Variants in ELMO1 observed in about 807,000 individuals in gnomAD.
ELMO1 encodes engulfment and cell motility protein 1.
A neutral mutation model predicts 98.9 loss-of-function variants in ELMO1; 26 were observed. The observed-to-expected ratio is 0.26, with a 90% CI of 0.19 to 0.36. ELMO1 has a LOEUF of 0.36. ELMO1 is among the 10% of genes least tolerant of loss of function. The pLI is 1.00. For synonymous variants in ELMO1, 346 were observed against 346.0 expected (o/e 1.00, Z 0.00); for missense variants, 627 against 935.2 (o/e 0.67, Z 4.30).
At chr7:37,376,360 T>G (rs1165140196) in intron 1 of ELMO1, among the ~76,000 whole-genome samples, 2 of 152,194 alleles carry the variant, frequency 1.3e-5, no homozygotes, top group Admixed American at 1.3e-4. Flanking sequence ...CATAGGTAAG[T>G]GATAACCAGC....
At chr7:37,406,105 G>A (rs1417320358) in intron 1 of ELMO1, among the ~76,000 whole-genome samples, 1 of 152,090 alleles carries the variant, frequency 6.6e-6, no homozygotes, top group African/African-American at 2.4e-5. Context: ...GCATCTTAGG[G>A]TTCATTCCAT....
chr7:37,425,319 C>A (rs896339546), intron 1 of ELMO1, among the ~76,000 whole-genome samples: 8 of 152,134 alleles, frequency 5.3e-5, no homozygotes, highest in African/African-American at 1.9e-4. Flanking sequence ...GGCACTAATG[C>A]CAGAGGGCTC....
At chr7:36,950,939 C>T (rs1448947339) in intron 16 of ELMO1, among the ~76,000 whole-genome samples, 1 of 152,240 alleles carries the variant, frequency 6.6e-6, no homozygotes, top group Non-Finnish European at 1.5e-5. Flanking sequence ...ACCCATCCAT[C>T]TACCCAGTTA....
At chr7:37,013,151 G>A in intron 16 of ELMO1, 148 bp downstream of exon 16, 2 of 1,037,720 alleles carry the variant, frequency 1.9e-6, no homozygotes, top group South Asian at 3.4e-5. Flanking sequence ...AGGGATGTTT[G>A]TCTTTCTCCA....
chr7:37,151,039 C>CA, intron 13 of ELMO1, among the ~76,000 whole-genome samples: 1 of 152,300 alleles, frequency 6.6e-6, no homozygotes, highest in South Asian at 2.1e-4. Flanking sequence ...CCCACCTGCC[C>CA]AAGTCAGCCC....
chr7:36,935,964 T>G (rs555291261), intron 16 of ELMO1, among the ~76,000 whole-genome samples: 138 of 152,322 alleles, frequency 9.1e-4, no homozygotes, highest in African/African-American at 3.2e-3. Flanking sequence ...ATACTGTTGG[T>G]TGCTTACCTA....
intron 16 of ELMO1, among the ~76,000 whole-genome samples, chr7:36,949,552 A>G (rs767542957): frequency 6.6e-6 from 1 of 152,002 alleles, no homozygotes; most frequent in Non-Finnish European, 1.5e-5. Context: ...CAACCTTGGC[A>G]CTACTGACAT....
At chr7:37,140,177 C>A (rs1787527948) in intron 13 of ELMO1, among the ~76,000 whole-genome samples, 1 of 151,156 alleles carries the variant, frequency 6.6e-6, no homozygotes, top group Non-Finnish European at 1.5e-5. Context: ...AGAGCGAGAC[C>A]ATCCTGGCTA....
At chr7:37,398,430 A>G (rs1374618782) in intron 1 of ELMO1, among the ~76,000 whole-genome samples, 1 of 152,214 alleles carries the variant, frequency 6.6e-6, no homozygotes, top group Admixed American at 6.5e-5. Context: ...TCACTGCTCC[A>G]TTCAAGAAAA....
chr7:37,442,286 C>A (rs1805443418), intron 1 of ELMO1, among the ~76,000 whole-genome samples: 2 of 152,146 alleles, frequency 1.3e-5, no homozygotes, highest in South Asian at 4.1e-4. Flanking sequence ...AGAAAAAGAA[C>A]CGTACAAGTA....
intron 15 of ELMO1, among the ~76,000 whole-genome samples, chr7:37,014,833 G>A (rs571136160): frequency 2.6e-5 from 4 of 152,144 alleles, no homozygotes; most frequent in African/African-American, 4.8e-5. Context: ...AGGGGTGGGA[G>A]CAGGCTTATA....
At chr7:37,220,875 G>A (rs952073684) in intron 10 of ELMO1, among the ~76,000 whole-genome samples, 8 of 152,046 alleles carry the variant, frequency 5.3e-5, no homozygotes, top group East Asian at 1.9e-4. Context: ...GACCCCACAC[G>A]CTACACTCAG....
intron 16 of ELMO1, among the ~76,000 whole-genome samples, chr7:36,950,736 G>A (rs1415357615): frequency 6.6e-6 from 1 of 152,190 alleles, no homozygotes; most frequent in Non-Finnish European, 1.5e-5. Flanking sequence ...TATGGAGATC[G>A]AAGCAATGGC....
chr7:37,103,172 T>C (rs1341153000), intron 14 of ELMO1, among the ~76,000 whole-genome samples: 3 of 152,214 alleles, frequency 2.0e-5, no homozygotes, highest in Admixed American at 2.0e-4. Context: ...AATAATTACA[T>C]AAACGCTTGT....
rs145631644 is a variant in ELMO1 at position 37,173,050 on chromosome 7, A to G, written c.1086+38336T>C. 3.0e-3 allele frequency among the ~76,000 whole-genome samples: 450 copies of G among 152,356 alleles called. 1 individual carries two copies. Among genetic ancestry groups the G allele is most frequent in the Non-Finnish European group, 5.2e-3 (351 of 68,030 alleles). On this transcript the variant is annotated intron_variant, in intron 13 of 21. Transcript: ENST00000310758. ...CCTTCTGTTATAGTAAACAACGTTC[A>G]CAAGACTTGACTTTCCTCTTCAACG...
chr7:37,317,433 T>A (rs533587268), intron 2 of ELMO1, among the ~76,000 whole-genome samples: 1 of 152,208 alleles, frequency 6.6e-6, no homozygotes, highest in African/African-American at 2.4e-5. Flanking sequence ...TAAGAGTCCA[T>A]CAACAGATGA....
intron 16 of ELMO1, among the ~76,000 whole-genome samples, chr7:36,914,813 A>T (rs923284465): frequency 1.3e-5 from 2 of 152,172 alleles, no homozygotes; most frequent in African/African-American, 4.8e-5. Context: ...CACCCAGCCG[A>T]AATGAAATGT....
intron 7 of ELMO1, among the ~76,000 whole-genome samples, chr7:37,242,503 C>T (rs1447796735): frequency 2.6e-5 from 4 of 152,118 alleles, no homozygotes; most frequent in Non-Finnish European, 5.9e-5. Context: ...TCCTTACATA[C>T]CTAGCACATT....
intron 18 of ELMO1, 55 bp downstream of exon 18, chr7:36,887,505 G>A: frequency 6.6e-7 from 1 of 1,524,816 alleles, no homozygotes; most frequent in Non-Finnish European, 9.1e-7. Context: ...TGATTCTCCA[G>A]GGAGCGGGCC....
Sources: gnomAD v4.1 joint callset for allele counts (sites outside exome capture counted in the v4.1 genomes callset) on GRCh38, gnomAD v4.1.1 for gene constraint, MANE v1.5 for transcripts, NCBI Gene and HGNC (gene_info 2026-07-23, HGNC 2026-07-21) for gene names.